The following TASP1 variants were observed in gnomAD, a reference collection of about 807,000 sequenced individuals.
TASP1 encodes the protein taspase 1.
TASP1 carries 16 observed loss-of-function variants against 56.6 expected under a neutral mutation model. That is an observed-to-expected ratio of 0.28 (90% CI 0.19 to 0.43). TASP1 has a LOEUF of 0.43. Among genes scored for constraint, TASP1 ranks in the 20% least tolerant of loss-of-function variants. The pLI is 1.00. For synonymous variants in TASP1, 179 were observed against 184.2 expected, an observed-to-expected ratio of 0.97 and a Z score of 0.23; for missense variants, 393 against 511.6, an observed-to-expected ratio of 0.77 and a Z score of 2.24.
intron 9 of TASP1, among the ~76,000 whole-genome samples, chr20:13,530,043 C>T (rs150997618): frequency 6.6e-6 from 1 of 152,220 alleles, no homozygotes; most frequent in African/African-American, 2.4e-5. Flanking sequence ...GAAAGTCCTC[C>T]AATTTTTTAA....
chr20:13,311,501 A>G, the TASP1 span, among the ~76,000 whole-genome samples: 2 of 152,240 alleles, frequency 1.3e-5, no homozygotes, highest in Non-Finnish European at 2.9e-5. Context: ...TCATTGCATG[A>G]TTATACTCAA....
intron 4 of TASP1, among the ~76,000 whole-genome samples, chr20:13,594,289 CTG>C (rs2047645648): frequency 6.6e-6 from 1 of 152,206 alleles, no homozygotes; most frequent in African/African-American, 2.4e-5. Context: ...AGCAGAAAAA[CTG>C]AATATTCTAA....
At chr20:13,416,483 C>T (rs1035389342) in intron 13 of TASP1, among the ~76,000 whole-genome samples, 1 of 152,046 alleles carries the variant, frequency 6.6e-6, no homozygotes, top group East Asian at 1.9e-4. Flanking sequence ...TACAGGCTGG[C>T]TGGATAATAT....
At chr20:13,483,098 G>T in intron 11 of TASP1, 129 bp downstream of exon 11, 1 of 573,996 alleles carries the variant, frequency 1.7e-6, no homozygotes, top group Non-Finnish European at 3.0e-6. Context: ...AGTATTAACT[G>T]TGGTTCTTTT....
At chr20:13,415,354 A>G (rs2042219436) in intron 13 of TASP1, among the ~76,000 whole-genome samples, 1 of 152,068 alleles carries the variant, frequency 6.6e-6, no homozygotes, top group Non-Finnish European at 1.5e-5. Flanking sequence ...ATACAAAAAA[A>G]TTCTAGCATT....
chr20:13,389,178 T>C (rs1394407125), downstream of TASP1, among the ~76,000 whole-genome samples: 1 of 152,232 alleles, frequency 6.6e-6, no homozygotes, highest in Non-Finnish European at 1.5e-5. Context: ...GTGTTCTTAT[T>C]CTTTCTCTTT....
At chr20:13,377,002 C>A in the TASP1 span, among the ~76,000 whole-genome samples, 1 of 152,188 alleles carries the variant, frequency 6.6e-6, no homozygotes, top group Non-Finnish European at 1.5e-5. Flanking sequence ...TCTAAATATA[C>A]AATCATGTCA....
the TASP1 span, among the ~76,000 whole-genome samples, chr20:13,216,736 G>A: frequency 1.3e-5 from 2 of 152,068 alleles, no homozygotes; most frequent in East Asian, 3.8e-4. Context: ...GCCCAGCCAG[G>A]GTGTTCTTGG....
intron 12 of TASP1, among the ~76,000 whole-genome samples, chr20:13,433,583 T>C (rs1467379800): frequency 6.6e-6 from 1 of 150,598 alleles, no homozygotes; most frequent in Non-Finnish European, 1.5e-5. Flanking sequence ...AAAGGCCTTT[T>C]ATATAAAGTG....
the TASP1 span, among the ~76,000 whole-genome samples, chr20:13,223,458 A>G: frequency 6.6e-6 from 1 of 152,208 alleles, no homozygotes; most frequent in African/African-American, 2.4e-5. Flanking sequence ...AGATGCAAAA[A>G]CTGAGGTACA....
At chr20:13,334,712 TATCCA>T in the TASP1 span, among the ~76,000 whole-genome samples, 2 of 152,214 alleles carry the variant, frequency 1.3e-5, no homozygotes, top group Non-Finnish European at 2.9e-5. Context: ...ATGGGTCTAG[TATCCA>T]AAAAAGATTA....
the TASP1 span, among the ~76,000 whole-genome samples, chr20:13,224,907 G>A: frequency 6.2e-5 from 9 of 145,830 alleles, no homozygotes; most frequent in South Asian, 2.2e-4. Flanking sequence ...GTGCAGTGGC[G>A]CGATCTCTGC....
At chr20:13,221,018 C>G in the TASP1 span, among the ~76,000 whole-genome samples, 1 of 152,154 alleles carries the variant, frequency 6.6e-6, no homozygotes, top group Non-Finnish European at 1.5e-5. Context: ...CGGCTACCGC[C>G]AAACCGTGAC....
chr20:13,198,713 T>TA, the TASP1 span, among the ~76,000 whole-genome samples: 1 of 152,216 alleles, frequency 6.6e-6, no homozygotes, highest in African/African-American at 2.4e-5. Context: ...ACCTCATGTC[T>TA]AAATGCCTGT....
At chr20:13,117,677 A>T in the TASP1 span, 2 of 1,613,780 alleles carry the variant, frequency 1.2e-6, no homozygotes, top group South Asian at 1.1e-5. Context: ...TCATGGGCAC[A>T]TTCACCAAAA....
chr20:13,302,085 A>G, the TASP1 span, among the ~76,000 whole-genome samples: 129 of 152,334 alleles, frequency 8.5e-4, no homozygotes, highest in African/African-American at 3.1e-3. Context: ...GAGGAACAAG[A>G]GTGGCAAGTT....
the TASP1 span, chr20:13,117,531 C>T: frequency 6.2e-7 from 1 of 1,605,514 alleles, no homozygotes; most frequent in Middle Eastern, 1.7e-4. Flanking sequence ...CGTGCATCTG[C>T]CCCAGATCAT....
the TASP1 span, among the ~76,000 whole-genome samples, chr20:13,295,505 C>T: frequency 3.9e-5 from 6 of 152,304 alleles, no homozygotes; most frequent in Admixed American, 2.6e-4. Flanking sequence ...ACAATGAATG[C>T]TACCTGGAGA....
intron 11 of TASP1, among the ~76,000 whole-genome samples, chr20:13,462,577 A>C (rs998733093): frequency 5.3e-5 from 8 of 152,160 alleles, no homozygotes; most frequent in African/African-American, 1.9e-4. Flanking sequence ...TTTTGGTTTA[A>C]AGATTTTCCA....
Sources: gnomAD v4.1 joint callset for allele counts (sites outside exome capture counted in the v4.1 genomes callset) on GRCh38, gnomAD v4.1.1 for gene constraint, MANE v1.5 for transcripts, NCBI Gene and HGNC (gene_info 2026-07-23, HGNC 2026-07-21) for gene names.